The following PPM1E variants were observed in gnomAD, a reference collection of about 807,000 sequenced individuals.
The protein encoded by PPM1E is protein phosphatase, Mg2+/Mn2+ dependent 1E.
A neutral mutation model predicts 65.9 loss-of-function variants in PPM1E; 20 were observed. The ratio of observed to expected loss-of-function variants is 0.30; its 90% CI spans 0.21 to 0.44. The LOEUF is 0.44. Among genes scored for constraint, PPM1E ranks in the 20% least tolerant of loss-of-function variants. The pLI is 1.00. For synonymous variants in PPM1E, 352 were observed against 374.9 expected, an observed-to-expected ratio of 0.94 and a Z score of 0.70; for missense variants, 713 against 953.1, an observed-to-expected ratio of 0.75 and a Z score of 3.32.
At chr17:58,787,864 AC>A (rs2050116705) in intron 1 of PPM1E, among the ~76,000 whole-genome samples, 1 of 148,416 alleles carries the variant, frequency 6.7e-6, no homozygotes, top group African/African-American at 2.5e-5. Flanking sequence ...CCGAGATCGC[AC>A]CACTGCACTC....
At chr17:58,919,632 A>C (rs1173636407) in intron 1 of PPM1E, among the ~76,000 whole-genome samples, 1 of 151,934 alleles carries the variant, frequency 6.6e-6, no homozygotes, top group Non-Finnish European at 1.5e-5. Context: ...CTAAAAACAC[A>C]AAAAATTAGC....
At chr17:58,875,224 T>G (rs987505068) in intron 1 of PPM1E, among the ~76,000 whole-genome samples, 11 of 152,188 alleles carry the variant, frequency 7.2e-5, no homozygotes, top group Non-Finnish European at 1.2e-4. Context: ...TAGCATATTG[T>G]CTTTGTATTG....
chr17:58,796,048 G>A (rs1184621296), intron 1 of PPM1E, among the ~76,000 whole-genome samples: 1 of 151,994 alleles, frequency 6.6e-6, no homozygotes, highest in Non-Finnish European at 1.5e-5. Context: ...GATCCCTTTT[G>A]TCAATTTTTT....
chr17:58,965,180 G>A (rs1321954163), intron 2 of PPM1E, among the ~76,000 whole-genome samples: 1 of 152,030 alleles, frequency 6.6e-6, no homozygotes, highest in African/African-American at 2.4e-5. Context: ...AAAGACAAAT[G>A]GTAAGCAACG....
chr17:58,764,252 T>G (rs2049851680), intron 1 of PPM1E, among the ~76,000 whole-genome samples: 1 of 152,234 alleles, frequency 6.6e-6, no homozygotes, highest in East Asian at 1.9e-4. Flanking sequence ...ACAAACAATT[T>G]TGTTTTAGAT....
At chr17:58,829,321 C>T (rs535133966) in intron 1 of PPM1E, among the ~76,000 whole-genome samples, 8 of 152,298 alleles carry the variant, frequency 5.3e-5, no homozygotes, top group Non-Finnish European at 7.4e-5. Context: ...AGATTACAGG[C>T]GTGAGCCACC....
intron 1 of PPM1E, among the ~76,000 whole-genome samples, chr17:58,770,815 G>C (rs1246546578): frequency 1.3e-5 from 2 of 150,866 alleles, no homozygotes; most frequent in African/African-American, 4.9e-5. Flanking sequence ...TCTGTATTGA[G>C]AATTCCCTTG....
chr17:58,822,958 G>A (rs866963514), intron 1 of PPM1E, among the ~76,000 whole-genome samples: 2 of 152,094 alleles, frequency 1.3e-5, no homozygotes, highest in Non-Finnish European at 2.9e-5. Flanking sequence ...ATGTAAGTGA[G>A]GCAGCAAAGT....
chr17:58,972,206 T>C lies in PPM1E; in HGVS notation c.1047T>C (p.Asp349=). Residue 349 remains aspartate (D), a synonymous_variant, in exon 5 of 7, where the codon GAT becomes GAC. Transcript: ENST00000308249. ...TGCTACATGTGGCCTGGGTGGGTGA[T>C]TCCCAGGTTATGCTTGTGAGAAAGG... ...GNMLHVAWVG[D]SQVMLVRKGQ... is the part of the protein sequence containing the mutation. The C allele has an allele frequency of 1.2e-6, 2 of 1,614,068 alleles. No homozygotes were observed. Among genetic ancestry groups the C allele is most frequent in the South Asian group, 1.1e-5 (1 of 91,086 alleles).
chr17:58,951,940 C>T (rs1598672776), intron 1 of PPM1E, among the ~76,000 whole-genome samples: 1 of 151,786 alleles, frequency 6.6e-6, no homozygotes, highest in East Asian at 1.9e-4. Flanking sequence ...TTGATGTGTC[C>T]CTATGTTGAT....
intron 1 of PPM1E, among the ~76,000 whole-genome samples, chr17:58,794,561 C>G (rs2050187885): frequency 6.6e-6 from 1 of 152,102 alleles, no homozygotes; most frequent in Non-Finnish European, 1.5e-5. Context: ...TCACTCTTCT[C>G]CCACTCTTCA....
At chr17:58,850,583 G>T (rs1226429534) in intron 1 of PPM1E, among the ~76,000 whole-genome samples, 5 of 151,952 alleles carry the variant, frequency 3.3e-5, no homozygotes, top group African/African-American at 4.8e-5. Flanking sequence ...ATTCTTTTCT[G>T]TAAGAATGTT....
At chr17:58,800,280 G>C (rs1056178224) in intron 1 of PPM1E, among the ~76,000 whole-genome samples, 11 of 151,972 alleles carry the variant, frequency 7.2e-5, no homozygotes, top group African/African-American at 2.7e-4. Flanking sequence ...ATTTAGTCAT[G>C]ATGTGTTATC....
At chr17:58,807,745 C>G (rs1337792719) in intron 1 of PPM1E, among the ~76,000 whole-genome samples, 1 of 152,114 alleles carries the variant, frequency 6.6e-6, no homozygotes, top group African/African-American at 2.4e-5. Context: ...AACTAATGGA[C>G]ATTTCACAAA....
chr17:58,930,082 T>A (rs759731854), intron 1 of PPM1E, among the ~76,000 whole-genome samples: 44 of 152,112 alleles, frequency 2.9e-4, no homozygotes, highest in Non-Finnish European at 4.3e-4. Context: ...AATTTACTTG[T>A]TCTATCACAA....
chr17:58,895,664 A>G (rs1016469142), intron 1 of PPM1E, among the ~76,000 whole-genome samples: 3 of 152,132 alleles, frequency 2.0e-5, no homozygotes, highest in African/African-American at 7.2e-5. Context: ...ATAAAAAAAT[A>G]GATGAGCATG....
intron 1 of PPM1E, among the ~76,000 whole-genome samples, chr17:58,905,343 T>C (rs902843951): frequency 6.6e-6 from 1 of 152,224 alleles, no homozygotes; most frequent in African/African-American, 2.4e-5. Context: ...GCTGTAAGTC[T>C]TTTATAGATA....
intron 1 of PPM1E, among the ~76,000 whole-genome samples, chr17:58,912,142 G>A (rs889335444): frequency 1.3e-5 from 2 of 152,114 alleles, no homozygotes; most frequent in African/African-American, 4.8e-5. Flanking sequence ...GGGAGGGAGG[G>A]GGTAGGAGTG....
intron 1 of PPM1E, among the ~76,000 whole-genome samples, chr17:58,843,170 C>T (rs575306048): frequency 1.3e-5 from 2 of 151,188 alleles, no homozygotes; most frequent in African/African-American, 4.9e-5. Flanking sequence ...CCTGTAGTCC[C>T]AGGCTGGAGA....
Sources: allele counts gnomAD v4.1 joint callset (sites outside exome capture counted in the v4.1 genomes callset), GRCh38; gene constraint gnomAD v4.1.1; transcripts MANE v1.5; gene names NCBI Gene and HGNC (gene_info 2026-07-23, HGNC 2026-07-21).